NEDD4L: variants seen among roughly 807,000 people sequenced by gnomAD.
NEDD4L encodes the protein E3 ubiquitin-protein ligase NEDD4-like.
Under a neutral mutation model 148.9 loss-of-function variants are expected in NEDD4L, and 54 were observed. That is an observed-to-expected ratio of 0.36 (90% CI 0.29 to 0.45). NEDD4L has a LOEUF of 0.45. Among genes scored for constraint, NEDD4L ranks in the 20% least tolerant of loss-of-function variants. The pLI, the probability that NEDD4L is intolerant of heterozygous loss-of-function variation, is 1.00. For missense variants in NEDD4L, 856 were observed against 1,233.8 expected (o/e 0.69, Z 4.59); for synonymous variants, 433 against 440.7 (o/e 0.98, Z 0.22).
intron 2 of NEDD4L, among the ~76,000 whole-genome samples, chr18:58,240,896 C>G (rs60605848): frequency 0.25 from 37,357 of 151,920 alleles, 5,596 homozygotes; most frequent in East Asian, 0.5. Flanking sequence ...TGCAACCTCC[C>G]CCTCCTGGAT....
intron 1 of NEDD4L, among the ~76,000 whole-genome samples, chr18:58,095,102 A>G (rs1257317327): frequency 2.6e-5 from 4 of 152,068 alleles, no homozygotes; most frequent in Non-Finnish European, 5.9e-5. Flanking sequence ...ACAAGTTAAG[A>G]TGTTGTTAAG....
At chr18:58,338,815 C>G (rs1158710584) in intron 13 of NEDD4L, among the ~76,000 whole-genome samples, 2 of 152,156 alleles carry the variant, frequency 1.3e-5, no homozygotes, top group Non-Finnish European at 2.9e-5. Flanking sequence ...ACTCAGGAGG[C>G]TAAGGCAGGA....
chr18:58,168,962 G>C (rs578106290), intron 2 of NEDD4L, among the ~76,000 whole-genome samples: 24 of 152,170 alleles, frequency 1.6e-4, no homozygotes, highest in African/African-American at 5.8e-4. Context: ...ATGGTCAGGG[G>C]CGGGTGACGG....
chr18:58,251,004 C>T (rs2047858705), intron 4 of NEDD4L, among the ~76,000 whole-genome samples: 1 of 152,192 alleles, frequency 6.6e-6, no homozygotes, highest in Admixed American at 6.5e-5. Flanking sequence ...TTCCAGGTCT[C>T]TCTCATGGTT....
At chr18:58,208,758 G>C (rs1223822526) in intron 2 of NEDD4L, among the ~76,000 whole-genome samples, 1 of 152,098 alleles carries the variant, frequency 6.6e-6, no homozygotes, top group East Asian at 1.9e-4. Context: ...AGAAGGAGTG[G>C]GTTCTGAATG....
intron 1 of NEDD4L, among the ~76,000 whole-genome samples, chr18:58,112,372 A>C (rs1225147203): frequency 1.0e-5 from 1 of 99,938 alleles, no homozygotes; most frequent in Admixed American, 1.0e-4. Context: ...TTATTTATTT[A>C]TTTATTTATT....
intron 1 of NEDD4L, among the ~76,000 whole-genome samples, chr18:58,089,766 G>C (rs1253307277): frequency 6.6e-6 from 1 of 152,016 alleles, no homozygotes; most frequent in Non-Finnish European, 1.5e-5. Flanking sequence ...GTTTCTCTGA[G>C]GCTCCCAGAC....
intron 1 of NEDD4L, among the ~76,000 whole-genome samples, chr18:58,061,340 C>T (rs934869523): frequency 6.6e-6 from 1 of 152,170 alleles, no homozygotes; most frequent in African/African-American, 2.4e-5. Flanking sequence ...GGTCACTTGG[C>T]CAAAGCTCTG....
chr18:58,159,750 C>T (rs1158064474), intron 1 of NEDD4L, among the ~76,000 whole-genome samples: 2 of 152,148 alleles, frequency 1.3e-5, no homozygotes, highest in Non-Finnish European at 2.9e-5. Flanking sequence ...GTCCAAAAAA[C>T]GTTGGTCATC....
intron 2 of NEDD4L, among the ~76,000 whole-genome samples, chr18:58,196,510 A>G (rs995930403): frequency 6.6e-6 from 1 of 152,220 alleles, no homozygotes; most frequent in African/African-American, 2.4e-5. Context: ...CTTTTACTGC[A>G]TTCTTCAGCC....
chr18:58,339,337 T>A (rs1324614499), intron 13 of NEDD4L, among the ~76,000 whole-genome samples: 3 of 152,170 alleles, frequency 2.0e-5, no homozygotes, highest in Non-Finnish European at 4.4e-5. Flanking sequence ...ACAACTTAGC[T>A]CAGCAGGGGA....
chr18:58,359,893 C>T (rs1403237469), intron 19 of NEDD4L: 4 of 152,238 alleles, frequency 2.6e-5, no homozygotes, highest in Non-Finnish European at 4.4e-5. Flanking sequence ...GCAGCACTGC[C>T]AGTGACAGTC....
intron 2 of NEDD4L, among the ~76,000 whole-genome samples, chr18:58,224,322 A>T (rs1444925771): frequency 6.6e-6 from 1 of 152,124 alleles, no homozygotes; most frequent in African/African-American, 2.4e-5. Context: ...TGGGGGTGTG[A>T]TCTTTGAGCC....
At position 58,201,457 on chromosome 18, in the gene NEDD4L, G is replaced by A. The variant is rs185354795; in HGVS notation, c.122+35596G>A. Among the ~76,000 whole-genome samples, 66 of 152,254 alleles carry A rather than the reference G, an allele frequency of 4.3e-4. No homozygotes were observed. The South Asian group carries it at 0.012, about 27-fold the overall frequency. On this transcript the variant is annotated intron_variant, in intron 2 of 30. Transcript: ENST00000400345. ...GAAACCCCATCACTCAGCCTCAACC[G>A]TTGTTAACAGTTTACTATCTTTATT...
chr18:58,161,004 TTG>T (rs964678931), intron 1 of NEDD4L, among the ~76,000 whole-genome samples: 8 of 151,710 alleles, frequency 5.3e-5, no homozygotes, highest in African/African-American at 1.9e-4. Flanking sequence ...ACTCATAGGG[TTG>T]TTTTTCTTTC....
intron 19 of NEDD4L, among the ~76,000 whole-genome samples, chr18:58,361,560 A>G (rs2045488519): frequency 6.6e-6 from 1 of 152,246 alleles, no homozygotes; most frequent in South Asian, 2.1e-4. Context: ...TGTTGCTGAC[A>G]GTCCTTGCAA....
chr18:58,369,058 A>G (rs1038713866), intron 22 of NEDD4L, among the ~76,000 whole-genome samples: 1 of 152,122 alleles, frequency 6.6e-6, no homozygotes, highest in East Asian at 1.9e-4. Context: ...TAGCGGGGGG[A>G]AAAGAGATGA....
intron 5 of NEDD4L, among the ~76,000 whole-genome samples, chr18:58,253,922 A>G (rs2048206017): frequency 1.3e-5 from 2 of 152,114 alleles, no homozygotes; most frequent in African/African-American, 4.8e-5. Flanking sequence ...GTGTTTTATA[A>G]TATTGATGCC....
chr18:58,076,288 T>A (rs1411658581), intron 1 of NEDD4L, among the ~76,000 whole-genome samples: 1 of 152,114 alleles, frequency 6.6e-6, no homozygotes, highest in Non-Finnish European at 1.5e-5. Flanking sequence ...GCAGAGTGAG[T>A]AGCTGATGTC....
Sources: gnomAD v4.1 joint callset for allele counts (sites outside exome capture counted in the v4.1 genomes callset) on GRCh38, gnomAD v4.1.1 for gene constraint, MANE v1.5 for transcripts, NCBI Gene and HGNC (gene_info 2026-07-23, HGNC 2026-07-21) for gene names.